COLEC12: variants seen among roughly 807,000 people sequenced by gnomAD.
COLEC12 encodes the protein collectin subfamily member 12, also known as collectin-12.
Under a neutral mutation model 71.1 loss-of-function variants are expected in COLEC12, and 33 were observed. The ratio of observed to expected loss-of-function variants is 0.46; its 90% CI spans 0.35 to 0.62. The LOEUF is 0.62. Among genes scored for constraint, COLEC12 ranks in the 20% least tolerant of loss-of-function variants. The pLI is 0.00. For missense variants in COLEC12, 765 were observed against 916.1 expected (o/e 0.84, Z 2.13); for synonymous variants, 350 against 353.0 (o/e 0.99, Z 0.10).
At chr18:461,959 C>T (rs1470985925) in intron 2 of COLEC12, among the ~76,000 whole-genome samples, 6 of 152,290 alleles carry the variant, frequency 3.9e-5, no homozygotes, top group East Asian at 1.9e-4. Context: ...AAATGAATGA[C>T]GTCATATCTA....
intron 2 of COLEC12, among the ~76,000 whole-genome samples, chr18:380,914 A>G (rs985812091): frequency 1.3e-5 from 2 of 152,126 alleles, no homozygotes; most frequent in African/African-American, 4.8e-5. Flanking sequence ...GGAGCCTCCC[A>G]CATGGTTCTC....
At chr18:447,348 A>G (rs915824533) in intron 2 of COLEC12, among the ~76,000 whole-genome samples, 1 of 152,176 alleles carries the variant, frequency 6.6e-6, no homozygotes, top group African/African-American at 2.4e-5. Context: ...CTCAGAGGCA[A>G]TTGGACATCC....
rs199891119 is a variant in COLEC12, at chr18:448,411, T to A, written c.58+32296A>T. Among the ~76,000 whole-genome samples the A allele has an allele frequency of 2.6e-5, 4 of 152,354 alleles. No individual in the cohort carries two copies. The East Asian group carries it at 7.7e-4, about 29-fold the overall frequency. ...TGACTTAAGATACAGTGTAAACATG[T>A]TGACTTCCTAAAACCCTCAATGGGT... On this transcript the variant is annotated intron_variant, in intron 2 of 9. Transcript: ENST00000400256.
intron 2 of COLEC12, among the ~76,000 whole-genome samples, chr18:427,162 C>A (rs547953784): frequency 2.0e-5 from 3 of 152,194 alleles, no homozygotes; most frequent in African/African-American, 7.2e-5. Context: ...GGAAACAGCA[C>A]TGGCCTCTGA....
chr18:442,917 C>T (rs1051582701), intron 2 of COLEC12, among the ~76,000 whole-genome samples: 10 of 152,220 alleles, frequency 6.6e-5, no homozygotes, highest in East Asian at 3.9e-4. Context: ...GCCGAGATCC[C>T]GCCACTGCAC....
intron 2 of COLEC12, among the ~76,000 whole-genome samples, chr18:440,749 A>C (rs531400096): frequency 1.3e-3 from 200 of 152,318 alleles, no homozygotes; most frequent in South Asian, 3.9e-3. Flanking sequence ...ATTTGTATAG[A>C]GTTATACTTG....
Position 498,377 on chromosome 18 carries a change from T to TTTTTTTTTTTTTTTTTTG in COLEC12, c.7+2130_7+2131insCAAAAAAAAAAAAAAAAA, listed in dbSNP as rs1178071975. Among the ~76,000 whole-genome samples the TTTTTTTTTTTTTTTTTTG allele has an allele frequency of 1.0e-3, 142 of 138,260 alleles. 5 individuals are homozygous for TTTTTTTTTTTTTTTTTTG. The highest frequency in any genetic ancestry group is 2.8e-3 in the African/African-American group (99 of 34,878). The allele number at this position is 138,260 out of a possible 152,430, so 90.7% of individuals were successfully genotyped here. On this transcript the variant is annotated intron_variant, in intron 1 of 9. Coordinates refer to ENST00000400256, the MANE Select transcript of COLEC12 (RefSeq NM_130386.3). ...ATATTTTTTTTCTTTTTTTTTTTTTTAGACGGAGTCTCGCTCTTGTCACCC... is the reference window on the plus strand; with the variant it reads ...ATATTTTTTTTCTTTTTTTTTTTTTTTTTTTTTTTTTTTTTTTGAGACGGAGTCTCGCTCTTGTCACCC...
intron 8 of COLEC12, among the ~76,000 whole-genome samples, chr18:323,303 A>G (rs973585640): frequency 6.6e-6 from 1 of 152,184 alleles, no homozygotes; most frequent in African/African-American, 2.4e-5. Context: ...AGAGGAAACC[A>G]TCGATTGGTG....
At chr18:442,376 G>A (rs1916559708) in intron 2 of COLEC12, among the ~76,000 whole-genome samples, 1 of 152,188 alleles carries the variant, frequency 6.6e-6, no homozygotes, top group Middle Eastern at 3.2e-3. Flanking sequence ...ATGACCTTGG[G>A]TAAACAGCGA....
intron 1 of COLEC12, among the ~76,000 whole-genome samples, chr18:491,790 C>T (rs899499199): frequency 2.0e-5 from 3 of 152,168 alleles, no homozygotes; most frequent in African/African-American, 4.8e-5. Context: ...TTTATCTTAA[C>T]GTATTTTGGG....
chr18:367,271 C>A (rs532544448), intron 2 of COLEC12, among the ~76,000 whole-genome samples: 4 of 152,156 alleles, frequency 2.6e-5, no homozygotes. Flanking sequence ...TGTTTGTCAA[C>A]GACACAGTGT....
chr18:419,967 C>G (rs934318327), intron 2 of COLEC12, among the ~76,000 whole-genome samples: 3 of 152,202 alleles, frequency 2.0e-5, no homozygotes, highest in Admixed American at 2.0e-4. Flanking sequence ...AGATGTCTGA[C>G]TGCCCTGAGG....
chr18:442,953 T>C (rs1916573926), intron 2 of COLEC12, among the ~76,000 whole-genome samples: 1 of 152,132 alleles, frequency 6.6e-6, no homozygotes, highest in African/African-American at 2.4e-5. Context: ...AGAGCGAGAC[T>C]CTGTCTCAAA....
chr18:465,948 C>G (rs1218886960), intron 2 of COLEC12, among the ~76,000 whole-genome samples: 7 of 152,172 alleles, frequency 4.6e-5, no homozygotes, highest in African/African-American at 1.7e-4. Context: ...GGGGCACAAA[C>G]CTGTAGTCCC....
chr18:364,251 T>C (rs1377534596), intron 2 of COLEC12, among the ~76,000 whole-genome samples: 1 of 152,252 alleles, frequency 6.6e-6, no homozygotes, highest in African/African-American at 2.4e-5. Flanking sequence ...AGAATTGTCG[T>C]AGGCAAAAGC....
At chr18:328,052 G>A (rs1016144569) in intron 8 of COLEC12, among the ~76,000 whole-genome samples, 2 of 151,842 alleles carry the variant, frequency 1.3e-5, no homozygotes, top group East Asian at 3.9e-4. Context: ...TGCTCAGGCT[G>A]GTCTTGAACT....
intron 2 of COLEC12, among the ~76,000 whole-genome samples, chr18:439,394 G>T (rs1916468672): frequency 6.6e-6 from 1 of 151,730 alleles, no homozygotes; most frequent in Non-Finnish European, 1.5e-5. Flanking sequence ...ATCTAGGCCA[G>T]CAAGAGAGAG....
At chr18:442,009 A>G in intron 2 of COLEC12, among the ~76,000 whole-genome samples, 1 of 31,920 alleles carries the variant, frequency 3.1e-5, no homozygotes, top group South Asian at 6.7e-4. Flanking sequence ...CTCTACACAC[A>G]CACACACACA....
intron 2 of COLEC12, among the ~76,000 whole-genome samples, chr18:457,804 T>C (rs1598370835): frequency 6.6e-6 from 1 of 152,186 alleles, no homozygotes; most frequent in South Asian, 2.1e-4. Flanking sequence ...CCTCCTTCAT[T>C]GCGCATTTTT....
Sources: allele counts gnomAD v4.1 joint callset (sites outside exome capture counted in the v4.1 genomes callset), GRCh38; gene constraint gnomAD v4.1.1; transcripts MANE v1.5; gene names NCBI Gene and HGNC (gene_info 2026-07-23, HGNC 2026-07-21).